IMMP2L: variants seen among roughly 807,000 people sequenced by gnomAD.
IMMP2L encodes the protein inner mitochondrial membrane peptidase subunit 2, also known as mitochondrial inner membrane protease subunit 2.
Under a neutral mutation model 19.3 loss-of-function variants are expected in IMMP2L, and 18 were observed. The observed-to-expected ratio is 0.93, with a 90% CI of 0.64 to 1.38. The LOEUF is 1.38. Ranked by LOEUF, IMMP2L falls within the 40% of genes most tolerant of loss-of-function variation. The probability of loss-of-function intolerance (pLI) is 0.00; values close to 1 mark genes in which losing one functional copy is unlikely to be tolerated. For missense variants in IMMP2L, 233 were observed against 218.2 expected (o/e 1.07, Z -0.43); for synonymous variants, 76 against 73.0 (o/e 1.04, Z -0.21).
chr7:111,376,150 C>A (rs529528018), intron 3 of IMMP2L, among the ~76,000 whole-genome samples: 1 of 151,974 alleles, frequency 6.6e-6, no homozygotes, highest in African/African-American at 2.4e-5. Flanking sequence ...TGTTACATAA[C>A]GCACACTCAA....
chr7:110,805,130 G>T (rs1312567476), intron 5 of IMMP2L, among the ~76,000 whole-genome samples: 1 of 152,052 alleles, frequency 6.6e-6, no homozygotes, highest in African/African-American at 2.4e-5. Context: ...GTTTTAAAAG[G>T]TAGATGAGTG....
At chr7:111,105,812 A>C (rs1208975633) in intron 3 of IMMP2L, among the ~76,000 whole-genome samples, 1 of 151,958 alleles carries the variant, frequency 6.6e-6, no homozygotes, top group East Asian at 1.9e-4. Flanking sequence ...GCCTATATCT[A>C]GTCACATGAA....
In IMMP2L at chr7:111,224,880, T is replaced by C. The variant is rs549860590; in HGVS notation, c.240-261315A>G. On this transcript the variant is annotated intron_variant, in intron 3 of 5. Transcript: ENST00000405709. ...TGTCATTAAAGCAAGCAAAGTCTGT[T>C]TTATTTAAGAATGTCTTCGATGAAG... is the stretch of plus-strand genomic sequence containing the variant. Among the ~76,000 whole-genome samples, 267 of 152,268 alleles carry C rather than the reference T, an allele frequency of 1.8e-3. 12 individuals carry two copies. In the South Asian group the frequency reaches 0.053, roughly 30 times the overall value.
At chr7:110,687,252 G>T (rs1034192867) in intron 5 of IMMP2L, among the ~76,000 whole-genome samples, 2 of 151,938 alleles carry the variant, frequency 1.3e-5, no homozygotes, top group African/African-American at 4.8e-5. Flanking sequence ...AACATTGTCC[G>T]TAAAGCTTTT....
chr7:110,846,511 G>A (rs957635835), intron 5 of IMMP2L, among the ~76,000 whole-genome samples: 1 of 151,734 alleles, frequency 6.6e-6, no homozygotes, highest in Admixed American at 6.6e-5. Context: ...GACTACTGGC[G>A]CCTGCCACCA....
At chr7:110,915,253 G>GCA (rs1157680116) in intron 4 of IMMP2L, among the ~76,000 whole-genome samples, 2 of 152,220 alleles carry the variant, frequency 1.3e-5, no homozygotes, top group African/African-American at 4.8e-5. Context: ...GCGCGTGCGT[G>GCA]CACGCACACA....
At chr7:111,130,010 T>C (rs1801699123) in intron 3 of IMMP2L, among the ~76,000 whole-genome samples, 1 of 152,164 alleles carries the variant, frequency 6.6e-6, no homozygotes, top group East Asian at 1.9e-4. Flanking sequence ...AGTATGCATT[T>C]AGTATTCTCA....
intron 3 of IMMP2L, among the ~76,000 whole-genome samples, chr7:111,028,563 G>A (rs1311096697): frequency 6.6e-6 from 1 of 152,010 alleles, no homozygotes; most frequent in African/African-American, 2.4e-5. Flanking sequence ...TAATGAAGAT[G>A]GTATGACTGT....
chr7:111,191,379 C>CT (rs1417976796), intron 3 of IMMP2L, among the ~76,000 whole-genome samples: 6 of 151,096 alleles, frequency 4.0e-5, no homozygotes, highest in Non-Finnish European at 7.4e-5. Flanking sequence ...TAACAGAATA[C>CT]TTCCAGAAAG....
intron 4 of IMMP2L, among the ~76,000 whole-genome samples, chr7:110,941,547 A>G (rs902579668): frequency 6.6e-6 from 1 of 152,154 alleles, no homozygotes; most frequent in Non-Finnish European, 1.5e-5. Flanking sequence ...TCATAGTTCT[A>G]TTTAGAGAAT....
chr7:110,962,913 C>G, intron 4 of IMMP2L: 2 of 1,381,270 alleles, frequency 1.4e-6, no homozygotes, highest in Non-Finnish European at 1.9e-6. Flanking sequence ...TCATGCCACA[C>G]AGTATTTACT....
intron 3 of IMMP2L, among the ~76,000 whole-genome samples, chr7:111,356,283 C>CA (rs1005355550): frequency 7.3e-5 from 11 of 150,810 alleles, no homozygotes; most frequent in Non-Finnish European, 1.3e-4. Flanking sequence ...TGAAAATATT[C>CA]AAAAAAAAAT....
chr7:110,694,503 T>C lies in IMMP2L; in HGVS notation c.409-30782A>G, dbSNP rs554712043. 4.6e-5 allele frequency among the ~76,000 whole-genome samples: 7 copies of C among 152,306 alleles called. No homozygotes were observed. In the South Asian group the frequency reaches 6.2e-4, roughly 14 times the overall value. On this transcript the variant is annotated intron_variant, in intron 5 of 5. Coordinates refer to ENST00000405709, the MANE Select transcript of IMMP2L (RefSeq NM_032549.4). ...GTAATATTTAGGTCCTTAATTGCCTTTGAGACACAGTCTAAGTTCTGACAC... is the reference window on the plus strand; with the variant it reads ...GTAATATTTAGGTCCTTAATTGCCTCTGAGACACAGTCTAAGTTCTGACAC...
chr7:110,970,120 GT>G lies in IMMP2L; in HGVS notation c.240-6556del, dbSNP rs1251393582. ...TTATTAGTGAATCAGCCTGGATTAT[GT>G]AAAATCAATTAAATTTGTATTTATG... On this transcript the variant is annotated intron_variant, in intron 3 of 5. Coordinates refer to ENST00000405709, the MANE Select transcript of IMMP2L (RefSeq NM_032549.4). Among the ~76,000 whole-genome samples, 4 of 150,958 alleles carry G rather than the reference GT, an allele frequency of 2.6e-5. No individual in the cohort carries two copies. In the East Asian group the frequency reaches 7.7e-4, roughly 29 times the overall value.
At chr7:111,172,941 T>C (rs1243466915) in intron 3 of IMMP2L, among the ~76,000 whole-genome samples, 2 of 151,682 alleles carry the variant, frequency 1.3e-5, no homozygotes, top group Non-Finnish European at 3.0e-5. Context: ...ATAATCTATG[T>C]AATAGAACTA....
chr7:111,527,216 C>T (rs1002255019), intron 1 of IMMP2L, among the ~76,000 whole-genome samples: 1 of 151,966 alleles, frequency 6.6e-6, no homozygotes. Flanking sequence ...GTCAGGAGTT[C>T]GAGGCCAGCC....
At chr7:111,258,939 T>C (rs764413111) in intron 3 of IMMP2L, among the ~76,000 whole-genome samples, 3 of 152,120 alleles carry the variant, frequency 2.0e-5, no homozygotes, top group Non-Finnish European at 4.4e-5. Flanking sequence ...ATTTAATCAT[T>C]ATGTGAAGTG....
intron 3 of IMMP2L, among the ~76,000 whole-genome samples, chr7:111,057,560 A>G (rs551070626): frequency 2.6e-5 from 4 of 152,352 alleles, no homozygotes; most frequent in Admixed American, 2.6e-4. Flanking sequence ...TACCATTCAT[A>G]GAAAGCAGCT....
At chr7:111,276,041 C>T (rs963605047) in intron 3 of IMMP2L, among the ~76,000 whole-genome samples, 2 of 152,038 alleles carry the variant, frequency 1.3e-5, no homozygotes, top group African/African-American at 4.8e-5. Context: ...TTTCTTAATA[C>T]TTTCAACTTT....
Sources: gnomAD v4.1 joint callset for allele counts (sites outside exome capture counted in the v4.1 genomes callset) on GRCh38, gnomAD v4.1.1 for gene constraint, MANE v1.5 for transcripts, NCBI Gene and HGNC (gene_info 2026-07-23, HGNC 2026-07-21) for gene names.